The following CPEB4 variants were observed in gnomAD, a reference collection of about 807,000 sequenced individuals.
The protein encoded by CPEB4 is cytoplasmic polyadenylation element binding protein 4.
Under a neutral mutation model 72.5 loss-of-function variants are expected in CPEB4, and 12 were observed. The observed-to-expected ratio is 0.17, with a 90% confidence interval of 0.11 to 0.27. CPEB4 has a LOEUF of 0.27. Among genes scored for constraint, CPEB4 ranks in the 10% least tolerant of loss-of-function variants. The pLI is 1.00. For synonymous variants in CPEB4, 302 were observed against 326.3 expected (o/e 0.93, Z 0.80); for missense variants, 614 against 908.5 (o/e 0.68, Z 4.17).
intron 3 of CPEB4, among the ~76,000 whole-genome samples, chr5:173,936,941 C>T (rs1757644832): frequency 6.7e-6 from 1 of 149,958 alleles, no homozygotes; most frequent in Non-Finnish European, 1.5e-5. Flanking sequence ...TTTAACAACT[C>T]ATATATGTAT....
chr5:173,912,662 C>T (rs1268303832), intron 2 of CPEB4, among the ~76,000 whole-genome samples: 1 of 146,320 alleles, frequency 6.8e-6, no homozygotes, highest in African/African-American at 2.5e-5. Flanking sequence ...AGGTCTGGTG[C>T]GGTGGCTCAC....
At chr5:173,932,009 C>A (rs781550773) in intron 2 of CPEB4, among the ~76,000 whole-genome samples, 2 of 152,168 alleles carry the variant, frequency 1.3e-5, no homozygotes, top group Non-Finnish European at 2.9e-5. Flanking sequence ...TTTCCCCAAA[C>A]CTGAAATTAA....
intron 1 of CPEB4, among the ~76,000 whole-genome samples, chr5:173,899,309 TATC>T (rs1342058419): frequency 6.6e-6 from 1 of 152,216 alleles, no homozygotes; most frequent in Non-Finnish European, 1.5e-5. Flanking sequence ...AATTGCTTCA[TATC>T]ATATTATTTC....
At chr5:173,947,659 C>A (rs1420680495) in intron 5 of CPEB4, among the ~76,000 whole-genome samples, 1 of 152,086 alleles carries the variant, frequency 6.6e-6, no homozygotes, top group African/African-American at 2.4e-5. Flanking sequence ...AATATGAACT[C>A]ATTAGTTTTT....
chr5:173,896,467 A>G (rs1324977436), intron 1 of CPEB4, among the ~76,000 whole-genome samples: 1 of 152,230 alleles, frequency 6.6e-6, no homozygotes, highest in Admixed American at 6.5e-5. Flanking sequence ...TTCAAAAAAT[A>G]CTTAGTAGAT....
rs747688992 is a variant in CPEB4, at chr5:173,943,095, C to G, written c.1282+46C>G. The G allele has an allele frequency of 3.1e-6, 5 of 1,589,102 alleles. No homozygotes were observed. In the African/African-American group the frequency reaches 5.4e-5, roughly 17 times the overall value. On this transcript the variant is annotated intron_variant, in intron 4 of 9. Transcript: ENST00000265085. ...TAAATGTATCACTTGTATTTGGAGA[C>G]GACCCAAGCTTGTTTAATTTCTAAC...
At chr5:173,897,873 A>G (rs527836424) in intron 1 of CPEB4, among the ~76,000 whole-genome samples, 3 of 141,560 alleles carry the variant, frequency 2.1e-5, no homozygotes, top group South Asian at 2.1e-4. Context: ...ATGTTTATAT[A>G]TAACATGTGC....
intron 3 of CPEB4, among the ~76,000 whole-genome samples, chr5:173,939,212 T>A (rs1757737291): frequency 6.6e-6 from 1 of 152,150 alleles, no homozygotes. Context: ...ATGTACACAA[T>A]AAGGATTCTA....
chr5:173,892,005 T>C (rs928684848), intron 1 of CPEB4, among the ~76,000 whole-genome samples: 2 of 151,606 alleles, frequency 1.3e-5, no homozygotes, highest in South Asian at 4.1e-4. Flanking sequence ...ATTGAAAATA[T>C]GTATACATAC....
intron 1 of CPEB4, among the ~76,000 whole-genome samples, chr5:173,897,123 A>G (rs1756045254): frequency 6.6e-6 from 1 of 152,240 alleles, no homozygotes; most frequent in African/African-American, 2.4e-5. Flanking sequence ...TGAATAAGCT[A>G]TAGATGCAAC....
chr5:173,907,719 A>G (rs1262777999), intron 1 of CPEB4, among the ~76,000 whole-genome samples: 1 of 152,248 alleles, frequency 6.6e-6, no homozygotes, highest in African/African-American at 2.4e-5. Context: ...AGAGTAATAC[A>G]GAAATACAGG....
intron 3 of CPEB4, among the ~76,000 whole-genome samples, chr5:173,940,613 AATTC>A (rs1757804793): frequency 6.6e-6 from 1 of 152,224 alleles, no homozygotes; most frequent in Non-Finnish European, 1.5e-5. Context: ...ATTTGTAGAA[AATTC>A]ATTGAACTTA....
chr5:173,948,563 G>T (rs1042926825), intron 5 of CPEB4, among the ~76,000 whole-genome samples: 2 of 152,146 alleles, frequency 1.3e-5, no homozygotes, highest in African/African-American at 4.8e-5. Context: ...TGATATTCCA[G>T]TTTGGAATAC....
chr5:173,943,039 G>C lies in CPEB4; in HGVS notation c.1272G>C (p.Gly424=). Residue 424 remains glycine, a synonymous_variant, in exon 4 of 10, where the codon GGG becomes GGC. Coordinates refer to ENST00000265085, the MANE Select transcript of CPEB4 (RefSeq NM_030627.4). ...TTTGACATGCAGCAAGGACATATGG[G>C]CGAAGGAGAGGTAACATTGTTTTTA... is the stretch of plus-strand genomic sequence containing the variant. ...SSLLINARTY[G]RRRGQSSLFP... 6 of 1,611,516 alleles carry C rather than the reference G, an allele frequency of 3.7e-6. No individual in the cohort carries two copies. The highest frequency in any genetic ancestry group is 4.2e-6 in the Non-Finnish European group (5 of 1,178,900).
Position 173,888,442 on chromosome 5 carries a change from A to G in CPEB4, c.-1292A>G. 2 of 455,240 alleles carry G rather than the reference A, an allele frequency of 4.4e-6. No individual in the cohort carries two copies. The highest frequency in any genetic ancestry group is 5.6e-5 in the South Asian group (1 of 17,986). The allele number at this position is 455,240 out of a possible 1,614,324, so 28.2% of individuals were successfully genotyped here. On this transcript the variant is annotated 5_prime_UTR_variant, in exon 1 of 10. Transcript: ENST00000265085. The surrounding 1 kb of genome is among the most constrained non-coding windows in gnomAD (Gnocchi z 4.3). ...GGCGGCGGCGGCGGCAGCAGCGGCG[A>G]CAGCAGAGGAGGAAGAGGAGGAAGA...
At chr5:173,901,126 TGATG>T in intron 1 of CPEB4, among the ~76,000 whole-genome samples, 1 of 152,336 alleles carries the variant, frequency 6.6e-6, no homozygotes, top group Non-Finnish European at 1.5e-5. Context: ...TACAAATAAG[TGATG>T]ACAAGAAATG....
chr5:173,932,764 A>G (rs1002794582), intron 3 of CPEB4, among the ~76,000 whole-genome samples: 2 of 152,208 alleles, frequency 1.3e-5, no homozygotes, highest in South Asian at 2.1e-4. Context: ...GATTGGCTTT[A>G]TCTAATATTA....
intron 1 of CPEB4, among the ~76,000 whole-genome samples, chr5:173,899,271 T>C (rs1261135231): frequency 6.6e-6 from 1 of 152,216 alleles, no homozygotes; most frequent in Non-Finnish European, 1.5e-5. Context: ...CTTAATCCTC[T>C]CTCTCCCCAT....
chr5:173,928,246 A>G (rs1757317984), intron 2 of CPEB4, among the ~76,000 whole-genome samples: 1 of 152,222 alleles, frequency 6.6e-6, no homozygotes, highest in African/African-American at 2.4e-5. Flanking sequence ...GTCCAAACCC[A>G]CAGAATGAAT....
Sources: allele counts gnomAD v4.1 joint callset (sites outside exome capture counted in the v4.1 genomes callset), GRCh38; gene constraint gnomAD v4.1.1; non-coding constraint Gnocchi (gnomAD v3.1); transcripts MANE v1.5; gene names NCBI Gene and HGNC (gene_info 2026-07-23, HGNC 2026-07-21).